FZD6: variants seen among roughly 807,000 people sequenced by gnomAD.
The protein encoded by FZD6 is frizzled class receptor 6.
A neutral mutation model predicts 61.4 loss-of-function variants in FZD6; 49 were observed. That is an observed-to-expected ratio of 0.80 (90% CI 0.63 to 1.01). FZD6 has a LOEUF of 1.01. Among genes scored for constraint, FZD6 ranks in the 50% least tolerant of loss-of-function variants. The probability of loss-of-function intolerance (pLI) is 0.00; values close to 1 mark genes in which losing one functional copy is unlikely to be tolerated. For missense variants in FZD6, 724 were observed against 848.2 expected (o/e 0.85, Z 1.82); for synonymous variants, 265 against 292.2 (o/e 0.91, Z 0.95).
At chr8:103,299,871 G>A in intron 1 of FZD6, 85 bp from the exon 2 acceptor site, 1 of 476,816 alleles carries the variant, frequency 2.1e-6, no homozygotes, top group South Asian at 2.1e-5. Context: ...TTGTTACCTG[G>A]GGTGAAAATC....
Position 103,316,444 on chromosome 8 carries a change from T to C in FZD6, c.178-2146T>C, listed in dbSNP as rs1416863315. Reference sequence around the variant, plus strand: ...GAATTTCTCTTGTCATTCTTCAGTGTTGAATCAGCTAATTCCTGGGTCCCA... The same window carrying C: ...GAATTTCTCTTGTCATTCTTCAGTGCTGAATCAGCTAATTCCTGGGTCCCA... On this transcript the variant is annotated intron_variant, in intron 2 of 6. Coordinates refer to ENST00000358755, the MANE Select transcript of FZD6 (RefSeq NM_003506.4). Among the ~76,000 whole-genome samples the C allele has an allele frequency of 2.0e-5, 3 of 152,230 alleles. No individual in the cohort carries two copies. In the East Asian group the frequency reaches 5.8e-4, roughly 29 times the overall value.
intron 4 of FZD6, among the ~76,000 whole-genome samples, chr8:103,326,629 A>G (rs1814957672): frequency 6.6e-6 from 1 of 151,678 alleles, no homozygotes; most frequent in Non-Finnish European, 1.5e-5. Flanking sequence ...CTGTAGTTGT[A>G]GAAATTATAA....
chr8:103,325,575 G>A (rs2130332328), intron 4 of FZD6, 77 bp downstream of exon 4: 1 of 1,218,878 alleles, frequency 8.2e-7, no homozygotes, highest in South Asian at 1.2e-5. Context: ...ACTTGTCATG[G>A]ATGTAAAAGT....
At chr8:103,313,392 C>T (rs1814548053) in intron 2 of FZD6, among the ~76,000 whole-genome samples, 1 of 152,158 alleles carries the variant, frequency 6.6e-6, no homozygotes, top group Non-Finnish European at 1.5e-5. Flanking sequence ...AGTTTTCTCA[C>T]TTGATCCAAG....
chr8:103,325,465 T>C lies in FZD6; in HGVS notation c.1359T>C (p.His453=). The change falls in exon 4 of 7, where the codon CAT becomes CAC. Residue 453 remains histidine, a synonymous_variant. Coordinates refer to ENST00000358755, the MANE Select transcript of FZD6 (RefSeq NM_003506.4). ...GGGAGATAACTTGGGTCTCTGATCA[T>C]TGTCGTCAGTACCATATCCCATGTC... is the stretch of plus-strand genomic sequence containing the variant. The part of the protein sequence containing the change: ...ITWEITWVSD[H]CRQYHIPCPY... 6.2e-7 allele frequency: 1 copy of C among 1,613,448 alleles called. No homozygotes were observed. Among genetic ancestry groups the C allele is most frequent in the Non-Finnish European group, 8.5e-7 (1 of 1,179,364 alleles).
intron 2 of FZD6, among the ~76,000 whole-genome samples, chr8:103,316,244 C>T (rs1814623349): frequency 6.6e-6 from 1 of 152,040 alleles, no homozygotes; most frequent in African/African-American, 2.4e-5. Context: ...TTTTAGATAT[C>T]CTAACAGACT....
At chr8:103,319,328 G>A (rs1814717165) in intron 3 of FZD6, among the ~76,000 whole-genome samples, 1 of 152,182 alleles carries the variant, frequency 6.6e-6, no homozygotes, top group South Asian at 2.1e-4. Flanking sequence ...ATGAGAGTGA[G>A]AAAGAATATG....
Position 103,330,046 on chromosome 8 carries a change from A to G in FZD6, c.1933A>G (p.Ser645Gly), listed in dbSNP as rs1323413408. ...GKGQAGSVSE[S>G]ARSEGRISPK... ...GGGCCAGGCAGGCAGTGTATCTGAA[A>G]GTGCGCGGAGTGAAGGAAGGTGAGA... Residue 645 changes from serine to glycine, a missense_variant, in exon 6 of 7, where the codon AGT becomes GGT. Transcript: ENST00000358755. 11 of 1,614,074 alleles carry G rather than the reference A, an allele frequency of 6.8e-6. No homozygotes were observed. Among genetic ancestry groups the G allele is most frequent in the Non-Finnish European group, 9.3e-6 (11 of 1,179,912 alleles).
In FZD6 at chr8:103,300,831, A is replaced by G. The variant is rs955419769; in HGVS notation, c.177+547A>G. The stretch of plus-strand genomic sequence containing the variant: ...GCATAGCACTTATATGTTCTTTATA[A>G]GATACTTGTTAAAAGAAACCACTTG... On this transcript the variant is annotated intron_variant, in intron 2 of 6. Transcript: ENST00000358755. Among the ~76,000 whole-genome samples the G allele has an allele frequency of 2.6e-5, 4 of 152,342 alleles. No homozygotes were observed. The South Asian group carries it at 8.3e-4, about 32-fold the overall frequency.
In FZD6 at chr8:103,321,592, G is replaced by A. The variant is rs548781735; in HGVS notation, c.374+2806G>A. Among the ~76,000 whole-genome samples the A allele has an allele frequency of 4.6e-4, 70 of 152,272 alleles. 1 individual carries two copies. The South Asian group carries it at 0.014, about 31-fold the overall frequency. ...AGGCTGCATCTATTATTTGAGAAAC[G>A]GCAGAACTGTGTGGTTATGGCATGC... is the stretch of plus-strand genomic sequence containing the variant. On this transcript the variant is annotated intron_variant, in intron 3 of 6. Transcript: ENST00000358755.
At chr8:103,312,999 A>C (rs1003074650) in intron 2 of FZD6, among the ~76,000 whole-genome samples, 1 of 151,948 alleles carries the variant, frequency 6.6e-6, no homozygotes, top group Non-Finnish European at 1.5e-5. Flanking sequence ...GTGCTTTGGG[A>C]AAGGGTAATT....
intron 2 of FZD6, among the ~76,000 whole-genome samples, chr8:103,308,717 C>G (rs1814411446): frequency 6.6e-6 from 1 of 152,158 alleles, no homozygotes; most frequent in African/African-American, 2.4e-5. Flanking sequence ...TGAGATCTAT[C>G]CAGCCACTTG....
chr8:103,324,376 A>T (rs1389542533), intron 3 of FZD6, 105 bp from the exon 4 acceptor site: 2 of 669,294 alleles, frequency 3.0e-6, no homozygotes, highest in African/African-American at 1.8e-5. Context: ...CTTCCCATCA[A>T]TCATGAATAC....
At chr8:103,310,566 A>C (rs189863365) in intron 2 of FZD6, among the ~76,000 whole-genome samples, 1 of 152,204 alleles carries the variant, frequency 6.6e-6, no homozygotes, top group Admixed American at 6.5e-5. Flanking sequence ...TGCCCAGCCT[A>C]GTGTTTTACT....
chr8:103,314,816 C>T (rs11990999), intron 2 of FZD6, among the ~76,000 whole-genome samples: 9,873 of 152,234 alleles, frequency 0.065, 427 homozygotes, highest in African/African-American at 0.11. Flanking sequence ...TGAAATTTCT[C>T]ATGACCATGG....
chr8:103,328,143 AT>A, intron 4 of FZD6, 124 bp from the exon 5 acceptor site: 1 of 730,762 alleles, frequency 1.4e-6, no homozygotes, highest in South Asian at 1.7e-5. Flanking sequence ...TCATTATATT[AT>A]TTCAAACCTT....
intron 1 of FZD6, among the ~76,000 whole-genome samples, chr8:103,299,476 C>G (rs1203284213): frequency 6.6e-6 from 1 of 152,286 alleles, no homozygotes; most frequent in African/African-American, 2.4e-5. Context: ...TCTAGTTGGC[C>G]TTACGAAAAT....
intron 2 of FZD6, among the ~76,000 whole-genome samples, chr8:103,314,782 G>A (rs550772561): frequency 3.3e-5 from 5 of 152,214 alleles, no homozygotes; most frequent in Admixed American, 1.3e-4. Context: ...CTGCTTGACC[G>A]TTCATTTACT....
chr8:103,326,392 A>G (rs1295909993), intron 4 of FZD6, among the ~76,000 whole-genome samples: 1 of 152,142 alleles, frequency 6.6e-6, no homozygotes, highest in Non-Finnish European at 1.5e-5. Context: ...TATATACTTA[A>G]TAAGAGGCTG....
Sources: gnomAD v4.1 joint callset for allele counts (sites outside exome capture counted in the v4.1 genomes callset) on GRCh38, gnomAD v4.1.1 for gene constraint, MANE v1.5 for transcripts, NCBI Gene and HGNC (gene_info 2026-07-23, HGNC 2026-07-21) for gene names.